Variants in AZIN1 observed in about 807,000 individuals in gnomAD.
AZIN1 encodes the protein antizyme inhibitor 1, also known as ornithine decarboxylase antizyme inhibitor.
AZIN1 carries 12 observed loss-of-function variants against 47.4 expected under a neutral mutation model. That is an observed-to-expected ratio of 0.25 (90% CI 0.16 to 0.41). The LOEUF is 0.41. Ranked by LOEUF, AZIN1 falls within the 10% of genes least tolerant of loss-of-function variation. The pLI is 1.00. For synonymous variants in AZIN1, 155 were observed against 176.3 expected, an observed-to-expected ratio of 0.88 and a Z score of 0.96; for missense variants, 410 against 532.4, an observed-to-expected ratio of 0.77 and a Z score of 2.26.
chr8:102,852,388 C>T (rs1812968388), intron 2 of AZIN1, among the ~76,000 whole-genome samples: 1 of 152,068 alleles, frequency 6.6e-6, no homozygotes, highest in African/African-American at 2.4e-5. Context: ...CCAGCCTGAC[C>T]AACATGGCGA....
chr8:102,861,556 G>A (rs569190839), intron 1 of AZIN1, among the ~76,000 whole-genome samples: 1 of 151,968 alleles, frequency 6.6e-6, no homozygotes, highest in South Asian at 2.1e-4. Context: ...ACAACCAAGG[G>A]ACAGTCACCT....
chr8:102,853,230 C>T (rs544502567), intron 2 of AZIN1, among the ~76,000 whole-genome samples: 2 of 152,328 alleles, frequency 1.3e-5, no homozygotes, highest in South Asian at 2.1e-4. Flanking sequence ...TATGGTCGGG[C>T]GCAGTGGCGC....
intron 2 of AZIN1, chr8:102,856,090 T>TTTG (rs1244187827): frequency 7.0e-6 from 1 of 143,874 alleles, no homozygotes; most frequent in Non-Finnish European, 1.5e-5. Flanking sequence ...TCAAGTTTTT[T>TTTG]TTGTTTTTTT....
At chr8:102,858,701 A>G (rs957551935) in intron 1 of AZIN1, among the ~76,000 whole-genome samples, 8 of 152,252 alleles carry the variant, frequency 5.3e-5, no homozygotes, top group African/African-American at 1.9e-4. Flanking sequence ...TGTATCTAAC[A>G]TAACTTTTGA....
intron 2 of AZIN1, among the ~76,000 whole-genome samples, chr8:102,850,638 C>G (rs1812860951): frequency 6.6e-6 from 1 of 151,990 alleles, no homozygotes; most frequent in Non-Finnish European, 1.5e-5. Context: ...CACCCTGGAC[C>G]CCAAAATAAG....
chr8:102,836,688 A>C (rs1811844756), intron 5 of AZIN1: 1 of 314,514 alleles, frequency 3.2e-6, no homozygotes, highest in Non-Finnish European at 5.8e-6. Context: ...TTTCAAATGA[A>C]GTCCATCAGT....
chr8:102,862,931 G>C (rs1813795661), intron 1 of AZIN1, among the ~76,000 whole-genome samples: 1 of 152,336 alleles, frequency 6.6e-6, no homozygotes, highest in African/African-American at 2.4e-5. Flanking sequence ...ACTGTTGGCA[G>C]TCAAGACAGT....
intron 3 of AZIN1, 131 bp downstream of exon 3, chr8:102,843,420 A>G: frequency 2.9e-6 from 2 of 693,138 alleles, no homozygotes; most frequent in African/African-American, 1.8e-5. Context: ...GGTGTGGGGG[A>G]GGAAGGTCAA....
rs1323388985 is a variant in AZIN1, at chr8:102,827,757, G to A, written c.*810C>T. 5 of 152,276 alleles carry A rather than the reference G, an allele frequency of 3.3e-5. No individual in the cohort carries two copies. The highest frequency in any genetic ancestry group is 3.3e-4 in the Admixed American group (5 of 15,238). 9.4% of individuals were successfully genotyped at this position (152,276 alleles called of 1,614,324 possible). A position where few individuals can be genotyped will look rare whatever the true frequency, so the allele number is the denominator to read the frequency against. ...GATTTATGCAGGATTAACATTTTTGGTGTTAAAATTGTTAAACATCATGCT... is the reference window on the plus strand; with the variant it reads ...GATTTATGCAGGATTAACATTTTTGATGTTAAAATTGTTAAACATCATGCT... On this transcript the variant is annotated 3_prime_UTR_variant, in exon 12 of 12. Transcript: ENST00000337198.
intron 11 of AZIN1, among the ~76,000 whole-genome samples, chr8:102,828,902 T>C (rs1811264540): frequency 6.6e-6 from 1 of 152,232 alleles, no homozygotes; most frequent in African/African-American, 2.4e-5. Flanking sequence ...AAAAGTCCTA[T>C]CACCTCGTTA....
chr8:102,855,548 A>G (rs1040896288), intron 2 of AZIN1: 2 of 152,252 alleles, frequency 1.3e-5, no homozygotes, highest in African/African-American at 4.8e-5. Flanking sequence ...TACTTAGTTT[A>G]TTCCATCAAA....
intron 9 of AZIN1, 57 bp downstream of exon 9, chr8:102,832,999 C>A (rs1324948151): frequency 4.1e-6 from 6 of 1,458,592 alleles, no homozygotes; most frequent in Non-Finnish European, 5.7e-6. Flanking sequence ...CTGCTCATTT[C>A]CAGACTAACT....
chr8:102,829,824 G>C lies in AZIN1; in HGVS notation c.1017C>G (p.His339Gln), dbSNP rs1811320946. The change falls in exon 10 of 12, where the codon CAC becomes CAG. Residue 339 changes from histidine to glutamine, a missense_variant. This residue lies in a region of AZIN1 where 168 missense variants were observed against 198.3 expected (regional missense o/e 0.85). Coordinates refer to ENST00000337198, the MANE Select transcript of AZIN1 (RefSeq NM_148174.4). ...TGATATTTCTGATAAAACTTGCCTT[G>C]TGAACCTCTGGAATGGTATTTAAGT... Reference protein sequence around the residue: ...SEDLNTIPEVHKKYKEDEPLF... With the variant: ...SEDLNTIPEVQKKYKEDEPLF... The C allele has an allele frequency of 6.2e-7, 1 of 1,603,098 alleles. No homozygotes were observed. The highest frequency in any genetic ancestry group is 8.5e-7 in the Non-Finnish European group (1 of 1,173,428).
At chr8:102,862,015 G>A (rs981753966) in intron 1 of AZIN1, among the ~76,000 whole-genome samples, 4 of 151,382 alleles carry the variant, frequency 2.6e-5, no homozygotes, top group African/African-American at 7.3e-5. Flanking sequence ...CAGCCTGGGC[G>A]ACAGAGCTAG....
chr8:102,847,977 T>A (rs1360471106), intron 2 of AZIN1, among the ~76,000 whole-genome samples: 2 of 152,226 alleles, frequency 1.3e-5, no homozygotes, highest in Non-Finnish European at 2.9e-5. Flanking sequence ...ACAACATTTT[T>A]AATAAGGACA....
intron 3 of AZIN1, among the ~76,000 whole-genome samples, chr8:102,842,742 A>C (rs79461036): frequency 5.3e-5 from 8 of 151,042 alleles, no homozygotes; most frequent in Non-Finnish European, 8.9e-5. Context: ...CAAAAAAAAA[A>C]CCACTTAGCT....
chr8:102,854,769 G>A (rs540169448), intron 2 of AZIN1, among the ~76,000 whole-genome samples: 3 of 150,128 alleles, frequency 2.0e-5, no homozygotes, highest in East Asian at 1.9e-4. Context: ...ATATAGAGCC[G>A]ACTAATGACA....
At chr8:102,862,307 A>G (rs961771595) in intron 1 of AZIN1, among the ~76,000 whole-genome samples, 4 of 152,160 alleles carry the variant, frequency 2.6e-5, no homozygotes, top group Non-Finnish European at 5.9e-5. Flanking sequence ...CTCCAACTTT[A>G]CTTTGAAATG....
chr8:102,862,394 C>T (rs892485), intron 1 of AZIN1, among the ~76,000 whole-genome samples: 71,974 of 151,602 alleles, frequency 0.47, 17,181 homozygotes, highest in Admixed American at 0.52. Flanking sequence ...TGTTTGAAAA[C>T]GTATGTGATA....
Sources: gnomAD v4.1 joint callset for allele counts (sites outside exome capture counted in the v4.1 genomes callset) on GRCh38, gnomAD v4.1.1 for gene constraint, gnomAD v4.1.1 regional missense constraint, MANE v1.5 for transcripts, NCBI Gene and HGNC (gene_info 2026-07-23, HGNC 2026-07-21) for gene names.